PAK2: variants seen among roughly 807,000 people sequenced by gnomAD.
PAK2 encodes the protein serine/threonine-protein kinase PAK 2.
A neutral mutation model predicts 65.9 loss-of-function variants in PAK2; 21 were observed. The ratio of observed to expected loss-of-function variants is 0.32; its 90% CI spans 0.23 to 0.46. The LOEUF is 0.46. Ranked by LOEUF, PAK2 falls within the 20% of genes least tolerant of loss-of-function variation. The probability of loss-of-function intolerance (pLI) is 1.00; values close to 1 mark genes in which losing one functional copy is unlikely to be tolerated. For missense variants in PAK2, 324 were observed against 642.6 expected (o/e 0.50, Z 5.36); for synonymous variants, 204 against 219.7 (o/e 0.93, Z 0.63).
At chr3:196,747,466 T>C (rs886401589) in intron 1 of PAK2, 3 of 152,240 alleles carry the variant, frequency 2.0e-5, no homozygotes, top group Non-Finnish European at 2.9e-5. Context: ...GTTCTAGTTT[T>C]GATTTCCTCT....
At position 196,746,828 on chromosome 3, in the gene PAK2, A is replaced by G. The variant is rs936992705; in HGVS notation, c.-22+6671A>G. On this transcript the variant is annotated intron_variant, in intron 1 of 14. Coordinates refer to ENST00000327134, the MANE Select transcript of PAK2 (RefSeq NM_002577.4). ...TCTGTCTCATTAAAAAAAAAAAAAA[A>G]AAGGATAGGCCTTTATGATAACTTC... Among the ~76,000 whole-genome samples, 165 of 94,070 alleles carry G rather than the reference A, an allele frequency of 1.8e-3. 1 individual carries two copies. The highest frequency in any genetic ancestry group is 6.9e-3 in the African/African-American group (146 of 21,156). The allele number at this position is 94,070 out of a possible 152,430, so 61.7% of individuals were successfully genotyped here.
intron 4 of PAK2, among the ~76,000 whole-genome samples, chr3:196,804,115 G>C (rs1715505705): frequency 1.3e-5 from 2 of 152,106 alleles, no homozygotes; most frequent in Admixed American, 6.6e-5. Flanking sequence ...TTTTCAATAT[G>C]TTTGTCTGTC....
In PAK2 at chr3:196,831,385, C is replaced by T. The variant is rs967678613; in HGVS notation, c.*2980C>T. Reference sequence around the variant, plus strand: ...TTTTTTCTTCTGCTGCTTTTAGGGACAATTAAAACTGGGAAACTATGAAAC... The same window carrying T: ...TTTTTTCTTCTGCTGCTTTTAGGGATAATTAAAACTGGGAAACTATGAAAC... On this transcript the variant is annotated 3_prime_UTR_variant, in exon 15 of 15. Transcript: ENST00000327134. 3.9e-5 allele frequency: 6 copies of T among 152,030 alleles called. No individual in the cohort carries two copies. Among genetic ancestry groups the T allele is most frequent in the African/African-American group, 1.4e-4 (6 of 41,456 alleles). The allele number at this position is 152,030 out of a possible 1,614,324, so 9.4% of individuals were successfully genotyped here.
In PAK2 at chr3:196,806,518, G is replaced by T. The variant is rs560980987; in HGVS notation, c.469-61G>T. 2.3e-4 allele frequency: 227 copies of T among 1,001,814 alleles called. 2 individuals carry two copies. The highest frequency in any genetic ancestry group is 1.3e-3 in the Admixed American group (76 of 57,796). 62.1% of individuals were successfully genotyped at this position (1,001,814 alleles called of 1,614,324 possible). ...ACTTTTTGAAGTACGTTCATAAAGGGCGATAGTCGCATTTAAGCCTATTGG... is the reference window on the plus strand; with the variant it reads ...ACTTTTTGAAGTACGTTCATAAAGGTCGATAGTCGCATTTAAGCCTATTGG... On this transcript the variant is annotated intron_variant, in intron 5 of 14. Transcript: ENST00000327134.
chr3:196,802,349 A>G (rs1357959041), intron 3 of PAK2, among the ~76,000 whole-genome samples: 3 of 151,850 alleles, frequency 2.0e-5, no homozygotes, highest in Admixed American at 1.3e-4. Context: ...TGCAGTGAAC[A>G]GAGACTGTGC....
chr3:196,817,296 C>T (rs1711510781), intron 11 of PAK2, among the ~76,000 whole-genome samples: 1 of 151,288 alleles, frequency 6.6e-6, no homozygotes, highest in Admixed American at 6.6e-5. Flanking sequence ...ACCCAAGTAG[C>T]TGGGATTACA....
At chr3:196,819,536 G>A (rs1209952139) in intron 12 of PAK2, among the ~76,000 whole-genome samples, 1 of 152,164 alleles carries the variant, frequency 6.6e-6, no homozygotes, top group Non-Finnish European at 1.5e-5. Context: ...AGAGTATCCT[G>A]ATTGGTAATA....
At chr3:196,785,180 C>A (rs964368082) in intron 2 of PAK2, 1 of 152,126 alleles carries the variant, frequency 6.6e-6, no homozygotes, top group East Asian at 1.9e-4. Flanking sequence ...GTATAGTGGA[C>A]GACACTAAAT....
intron 9 of PAK2, 33 bp from the exon 10 acceptor site, chr3:196,812,706 A>G (rs771520730): frequency 3.1e-6 from 3 of 967,070 alleles, no homozygotes; most frequent in Non-Finnish European, 5.0e-6. Context: ...GAATTCCTAA[A>G]CCTGGTTTTT....
intron 1 of PAK2, among the ~76,000 whole-genome samples, chr3:196,761,140 A>ATT (rs1294698389): frequency 1.1e-4 from 12 of 113,690 alleles, no homozygotes; most frequent in African/African-American, 4.0e-4. Context: ...GAGGCAGGAG[A>ATT]ACCGCTTTTT....
chr3:196,778,080 C>G (rs544372105), intron 1 of PAK2, among the ~76,000 whole-genome samples: 1 of 152,066 alleles, frequency 6.6e-6, no homozygotes, highest in Non-Finnish European at 1.5e-5. Flanking sequence ...ACTAATCAGC[C>G]GTGTTTATGA....
intron 1 of PAK2, among the ~76,000 whole-genome samples, chr3:196,744,428 C>G (rs560554442): frequency 6.6e-6 from 1 of 152,130 alleles, no homozygotes; most frequent in African/African-American, 2.4e-5. Context: ...AGTGAAAATT[C>G]TTTGGGAGAC....
intron 1 of PAK2, among the ~76,000 whole-genome samples, chr3:196,758,608 G>A (rs1469596588): frequency 6.6e-6 from 1 of 152,062 alleles, no homozygotes; most frequent in African/African-American, 2.4e-5. Flanking sequence ...ACCATGAGAA[G>A]GTTTTAAGTG....
chr3:196,771,672 C>G (rs1355564679), intron 1 of PAK2, among the ~76,000 whole-genome samples: 2 of 152,184 alleles, frequency 1.3e-5, no homozygotes, highest in Non-Finnish European at 2.9e-5. Context: ...AATTCTTCCG[C>G]CTCAGCCTCC....
At position 196,832,427 on chromosome 3, in the gene PAK2, G is replaced by A. The variant is rs1434362762; in HGVS notation, c.*4022G>A. 2 of 152,026 alleles carry A rather than the reference G, an allele frequency of 1.3e-5. No individual in the cohort carries two copies. Among genetic ancestry groups the A allele is most frequent in the African/African-American group, 4.8e-5 (2 of 41,396 alleles). The allele number at this position is 152,026 out of a possible 1,614,324, so 9.4% of individuals were successfully genotyped here. On this transcript the variant is annotated 3_prime_UTR_variant, in exon 15 of 15. Coordinates refer to ENST00000327134, the MANE Select transcript of PAK2 (RefSeq NM_002577.4). ...TTGTTATACATTGACATTAACTGCT[G>A]TATTTTGACTTTGTTCAATAATTTT...
At chr3:196,746,831 G>A (rs59899017) in intron 1 of PAK2, among the ~76,000 whole-genome samples, 2,813 of 144,026 alleles carry the variant, frequency 0.02, 136 homozygotes, top group Admixed American at 0.098. Flanking sequence ...AAAAAAAAAA[G>A]GATAGGCCTT....
chr3:196,808,840 G>A (rs939274531), intron 7 of PAK2, among the ~76,000 whole-genome samples: 4 of 152,170 alleles, frequency 2.6e-5, no homozygotes, highest in East Asian at 3.9e-4. Flanking sequence ...CAGCCTGGGC[G>A]AAAGAGCGAG....
chr3:196,745,237 C>T (rs926168022), intron 1 of PAK2, among the ~76,000 whole-genome samples: 4 of 150,998 alleles, frequency 2.6e-5, no homozygotes, highest in Non-Finnish European at 5.9e-5. Flanking sequence ...GCCTCAGCCT[C>T]CCGAGTAGCT....
intron 11 of PAK2, among the ~76,000 whole-genome samples, chr3:196,815,112 G>A (rs1266915980): frequency 1.3e-5 from 2 of 150,756 alleles, no homozygotes; most frequent in Non-Finnish European, 3.0e-5. Flanking sequence ...CCTGGGAGGT[G>A]GAGCTTGCAG....
Sources: gnomAD v4.1 joint callset for allele counts (sites outside exome capture counted in the v4.1 genomes callset) on GRCh38, gnomAD v4.1.1 for gene constraint, MANE v1.5 for transcripts, NCBI Gene and HGNC (gene_info 2026-07-23, HGNC 2026-07-21) for gene names.